MFSD11: variants seen among roughly 807,000 people sequenced by gnomAD.
MFSD11 encodes major facilitator superfamily domain containing 11.
Under a neutral mutation model 53.5 loss-of-function variants are expected in MFSD11, and 36 were observed. That is an observed-to-expected ratio of 0.67 (90% CI 0.52 to 0.89). The LOEUF (loss-of-function observed/expected upper bound fraction) is 0.89. MFSD11 is among the 40% of genes least tolerant of loss of function. The pLI is 0.00. For missense variants in MFSD11, 530 were observed against 543.9 expected (o/e 0.97, Z 0.25); for synonymous variants, 186 against 184.9 (o/e 1.01, Z -0.05).
chr17:76,782,114 CT>C (rs771986628), downstream of MFSD11, among the ~76,000 whole-genome samples: 2 of 151,520 alleles, frequency 1.3e-5, no homozygotes, highest in African/African-American at 2.4e-5. Flanking sequence ...AGCTACTATG[CT>C]TTTTTTTCTC....
At position 76,778,241 on chromosome 17, in the gene MFSD11, G is replaced by A; in HGVS notation, c.1239G>A (p.Trp413Ter). Residue 413 changes from tryptophan (W) to a stop codon, truncating the protein, a stop_gained, in exon 13 of 13, where the codon TGG becomes TGA. Transcript: ENST00000685175. LOFTEE classifies it high-confidence loss of function. ...FFYSNYLLLH[W>*]QLLVMVIFGF... is the part of the protein sequence containing the mutation. ...ACAGCAACTACCTTCTCCTTCACTG[G>A]CAACTCCTGGTCATGGTGATATTTG... 1 of 1,614,134 alleles carries A rather than the reference G, an allele frequency of 6.2e-7. No individual in the cohort carries two copies. Among genetic ancestry groups the A allele is most frequent in the South Asian group, 1.1e-5 (1 of 91,090 alleles).
chr17:76,779,521 G>A (rs1034496391), downstream of MFSD11, among the ~76,000 whole-genome samples: 13 of 152,126 alleles, frequency 8.5e-5, no homozygotes, highest in South Asian at 2.1e-4. Context: ...GTCTCACTCT[G>A]TCGCCTAGGC....
chr17:76,764,270 AAG>A (rs1360318754), intron 8 of MFSD11, among the ~76,000 whole-genome samples: 8 of 152,164 alleles, frequency 5.3e-5, no homozygotes, highest in African/African-American at 1.9e-4. Context: ...GAGAACATTT[AAG>A]ATCTACTTTC....
chr17:76,769,921 G>T, intron 10 of MFSD11, 50 bp downstream of exon 10: 1 of 1,537,612 alleles, frequency 6.5e-7, no homozygotes, highest in Non-Finnish European at 8.8e-7. Context: ...TTTATTATAG[G>T]TAAAATAGAA....
chr17:76,776,127 C>T lies in MFSD11; in HGVS notation c.1050-279C>T, dbSNP rs529588716. Among the ~76,000 whole-genome samples, 6 of 152,128 alleles carry T rather than the reference C, an allele frequency of 3.9e-5. No homozygotes were observed. The highest frequency in any genetic ancestry group is 4.2e-4 in the South Asian group (2 of 4,802). On this transcript the variant is annotated intron_variant, in intron 11 of 12. Transcript: ENST00000685175. The surrounding 1 kb of genome is among the most constrained non-coding windows in gnomAD (Gnocchi z 4.2). ...CCGAGTAGCTGGGATTACAGGCACG[C>T]GCCACTATGCCCAGCTAATTTTTAT...
chr17:76,798,276 T>C, the MFSD11 span, among the ~76,000 whole-genome samples: 1 of 152,102 alleles, frequency 6.6e-6, no homozygotes, highest in Non-Finnish European at 1.5e-5. Flanking sequence ...AAGGTGAGCT[T>C]GGGGTGGGGA....
At chr17:76,794,942 C>T in the MFSD11 span, among the ~76,000 whole-genome samples, 1 of 151,394 alleles carries the variant, frequency 6.6e-6, no homozygotes, top group African/African-American at 2.4e-5. Context: ...GATCCACCTG[C>T]CTCGGCCTTC....
At chr17:76,753,846 C>T (rs1175522363) in intron 7 of MFSD11, among the ~76,000 whole-genome samples, 1 of 151,994 alleles carries the variant, frequency 6.6e-6, no homozygotes, top group Non-Finnish European at 1.5e-5. Flanking sequence ...TAGAGAGGTG[C>T]CCAGGTGGGA....
At chr17:76,769,997 G>T in intron 10 of MFSD11, 126 bp downstream of exon 10, 35 of 737,684 alleles carry the variant, frequency 4.7e-5, no homozygotes, top group South Asian at 2.7e-4. Flanking sequence ...ACCCAAACGT[G>T]TGTTTTTATT....
At chr17:76,770,381 A>G (rs1020932077) in intron 10 of MFSD11, among the ~76,000 whole-genome samples, 1 of 152,154 alleles carries the variant, frequency 6.6e-6, no homozygotes, top group Non-Finnish European at 1.5e-5. Flanking sequence ...AACATTTGCA[A>G]AATAATTCAC....
At chr17:76,743,742 A>G (rs1324282797) in intron 6 of MFSD11, among the ~76,000 whole-genome samples, 2 of 152,108 alleles carry the variant, frequency 1.3e-5, no homozygotes, top group Admixed American at 6.5e-5. Context: ...TCAGCCTCCC[A>G]AGTAGCTGGG....
chr17:76,802,121 A>T, the MFSD11 span, among the ~76,000 whole-genome samples: 6 of 151,938 alleles, frequency 3.9e-5, no homozygotes, highest in South Asian at 2.1e-4. Context: ...TACAAAAAAA[A>T]TTAGCCAGGT....
chr17:76,803,171 AAAAC>A, the MFSD11 span, among the ~76,000 whole-genome samples: 4 of 151,664 alleles, frequency 2.6e-5, no homozygotes, highest in African/African-American at 4.9e-5. Flanking sequence ...AACAAAAACA[AAAAC>A]AAAACAAACA....
Position 76,744,453 on chromosome 17 carries a change from A to G in MFSD11, c.628A>G (p.Met210Val), listed in dbSNP as rs764245307. Residue 210 changes from methionine (M) to valine (V), a missense_variant, in exon 7 of 13, where the codon ATG becomes GTG. Coordinates refer to ENST00000685175, the MANE Select transcript of MFSD11 (RefSeq NM_001242532.5). ...AGATGAGTCTTCTGATGACCAGGAC[A>G]TGGAAGTCAACGAGTAAGATGTTGG... ...GEDESSDDQD[M>V]EVNESAQNNL... 6 of 1,608,902 alleles carry G rather than the reference A, an allele frequency of 3.7e-6. No homozygotes were observed. The East Asian group carries it at 8.9e-5, about 24-fold the overall frequency.
chr17:76,747,331 T>C (rs2078642588), intron 7 of MFSD11, among the ~76,000 whole-genome samples: 1 of 150,496 alleles, frequency 6.6e-6, no homozygotes, highest in Non-Finnish European at 1.5e-5. Flanking sequence ...CGGGGCAACA[T>C]GGTGAAACTT....
chr17:76,776,436 G>C lies in MFSD11; in HGVS notation c.1080G>C (p.Leu360=). Residue 360 remains leucine, a synonymous_variant, in exon 12 of 13, where the codon CTG becomes CTC. Coordinates refer to ENST00000685175, the MANE Select transcript of MFSD11 (RefSeq NM_001242532.5). The surrounding 1 kb of genome is among the most constrained non-coding windows in gnomAD (Gnocchi z 4.2). ...AAGTTGCCATTCTCTGCAGTTTTCT[G>C]TTGGGCCTTGGAGACAGCTGCTTTA... ...SKEVAILCSF[L]LGLGDSCFNT... The C allele has an allele frequency of 6.2e-7, 1 of 1,613,978 alleles. No homozygotes were observed. Among genetic ancestry groups the C allele is most frequent in the Non-Finnish European group, 8.5e-7 (1 of 1,179,984 alleles).
In MFSD11 at chr17:76,755,812, ATTTTTTTTTTTTTTTT is replaced by A. The variant is rs552254902; in HGVS notation, c.682+1738_682+1753del. 2.5e-3 allele frequency among the ~76,000 whole-genome samples: 48 copies of A among 19,522 alleles called. 1 individual carries two copies. The highest frequency in any genetic ancestry group is 7.7e-3 in the African/African-American group (47 of 6,090). The allele number at this position is 19,522 out of a possible 152,430, so 12.8% of individuals were successfully genotyped here. On this transcript the variant is annotated intron_variant, in intron 8 of 12. Coordinates refer to ENST00000685175, the MANE Select transcript of MFSD11 (RefSeq NM_001242532.5). The stretch of plus-strand genomic sequence containing the variant: ...TATACATATATATATATATATATAT[ATTTTTTTTTTTTTTTT>A]TTTTTTTTTTTTGAGATGGAGTTTT...
At chr17:76,751,960 T>C (rs1269127562) in intron 7 of MFSD11, among the ~76,000 whole-genome samples, 1 of 152,186 alleles carries the variant, frequency 6.6e-6, no homozygotes, top group Non-Finnish European at 1.5e-5. Context: ...AGTAGATCAT[T>C]GTGCGTCCCA....
chr17:76,743,501 A>C, intron 6 of MFSD11, 45 bp downstream of exon 6: 2 of 1,255,414 alleles, frequency 1.6e-6, no homozygotes, highest in Non-Finnish European at 1.1e-6. Context: ...TTCAAAGCAT[A>C]ATAGGAGTTA....
Sources: gnomAD v4.1 joint callset for allele counts (sites outside exome capture counted in the v4.1 genomes callset) on GRCh38, gnomAD v4.1.1 for gene constraint, Gnocchi (gnomAD v3.1) non-coding constraint, MANE v1.5 for transcripts, NCBI Gene and HGNC (gene_info 2026-07-23, HGNC 2026-07-21) for gene names.